IFT81: variants seen among roughly 807,000 people sequenced by gnomAD.
IFT81 encodes the protein intraflagellar transport 81.
Under a neutral mutation model 102.6 loss-of-function variants are expected in IFT81, and 72 were observed. That is an observed-to-expected ratio of 0.70 (90% CI 0.58 to 0.85). The LOEUF (loss-of-function observed/expected upper bound fraction) is 0.85. Among genes scored for constraint, IFT81 ranks in the 40% least tolerant of loss-of-function variants. The probability of loss-of-function intolerance (pLI) is 0.00; values close to 1 mark genes in which losing one functional copy is unlikely to be tolerated. For missense variants in IFT81, 723 were observed against 787.3 expected (o/e 0.92, Z 0.98); for synonymous variants, 237 against 242.7 (o/e 0.98, Z 0.22).
At chr12:110,185,361 A>AT (rs77060966) in intron 12 of IFT81, among the ~76,000 whole-genome samples, 60 of 146,590 alleles carry the variant, frequency 4.1e-4, no homozygotes, top group Middle Eastern at 3.5e-3. Flanking sequence ...ATTTTTTTGT[A>AT]TTTTTTTTTT....
At chr12:110,180,929 A>T (rs1897297232) in intron 12 of IFT81, among the ~76,000 whole-genome samples, 1 of 152,220 alleles carries the variant, frequency 6.6e-6, no homozygotes, top group African/African-American at 2.4e-5. Context: ...ACTTCCAAGA[A>T]GCTTTGGAAA....
chr12:110,213,644 GT>G (rs1869740742), intron 18 of IFT81, among the ~76,000 whole-genome samples: 1 of 152,096 alleles, frequency 6.6e-6, no homozygotes, highest in African/African-American at 2.4e-5. Flanking sequence ...CTTATCTTCT[GT>G]TTACTTACCC....
chr12:110,190,993 T>C lies in IFT81; in HGVS notation c.1412T>C (p.Leu471Pro). ...TQEELERVSA[L>P]KSEVDEMKGR... is the part of the protein sequence containing the mutation. ...GAAGAGCTAGAAAGAGTATCTGCAC[T>C]GAAGAGTGAAGTTGATGAAATGAAA... Residue 471 changes from leucine (L) to proline (P), a missense_variant, in exon 13 of 19, where the codon CTG (leucine) becomes CCG (proline). Physicochemically the swap from Leu to Pro is moderately conservative, Grantham distance 98. Transcript: ENST00000242591. 1 of 1,610,366 alleles carries C rather than the reference T, an allele frequency of 6.2e-7. No homozygotes were observed. Among genetic ancestry groups the C allele is most frequent in the Non-Finnish European group, 8.5e-7 (1 of 1,178,370 alleles).
At chr12:110,141,144 G>C (rs1052945064) in intron 8 of IFT81, among the ~76,000 whole-genome samples, 1 of 151,830 alleles carries the variant, frequency 6.6e-6, no homozygotes, top group Non-Finnish European at 1.5e-5. Context: ...CCTACCTCAA[G>C]CATCTCTACA....
chr12:110,151,023 A>G (rs977374014), intron 10 of IFT81, among the ~76,000 whole-genome samples: 15 of 152,280 alleles, frequency 9.9e-5, no homozygotes, highest in Admixed American at 9.2e-4. Flanking sequence ...CTTGATTGAG[A>G]TATAATTCAC....
chr12:110,192,262 T>C (rs1212978126), intron 13 of IFT81, among the ~76,000 whole-genome samples: 2 of 152,188 alleles, frequency 1.3e-5, no homozygotes, highest in Non-Finnish European at 2.9e-5. Flanking sequence ...CTGTAGTATT[T>C]TGAATATCAC....
intron 10 of IFT81, among the ~76,000 whole-genome samples, chr12:110,153,001 A>G (rs1383505253): frequency 6.6e-6 from 1 of 152,148 alleles, no homozygotes; most frequent in African/African-American, 2.4e-5. Flanking sequence ...CAAAAGTTTT[A>G]AATTCTCATG....
At chr12:110,215,604 G>GTA (rs1870004290) in intron 18 of IFT81, among the ~76,000 whole-genome samples, 3 of 150,256 alleles carry the variant, frequency 2.0e-5, no homozygotes, top group African/African-American at 4.9e-5. Context: ...TGGGACCACA[G>GTA]GCATGTGCCA....
chr12:110,199,913 A>G (rs1898187259), intron 14 of IFT81, among the ~76,000 whole-genome samples: 1 of 152,198 alleles, frequency 6.6e-6, no homozygotes, highest in South Asian at 2.1e-4. Flanking sequence ...GTTGAAAACA[A>G]CTTAAGGTTT....
rs537129379 is a variant in IFT81, at chr12:110,207,809, G to A, written c.1803-1362G>A. Among the ~76,000 whole-genome samples, 20 of 151,920 alleles carry A rather than the reference G, an allele frequency of 1.3e-4. No homozygotes were observed. The South Asian group carries it at 2.1e-3, about 16-fold the overall frequency. ...CGATCTCCTGACCTCGTGAGCCACC[G>A]CGCCCAGCCCCAGCCTTCAGTCTTT... On this transcript the variant is annotated intron_variant, in intron 17 of 18. Coordinates refer to ENST00000242591, the MANE Select transcript of IFT81 (RefSeq NM_014055.4).
intron 14 of IFT81, among the ~76,000 whole-genome samples, chr12:110,197,060 A>T (rs1034385270): frequency 6.6e-6 from 1 of 152,024 alleles, no homozygotes; most frequent in Non-Finnish European, 1.5e-5. Context: ...TTAGCTGAGC[A>T]TGGGAGCACA....
At chr12:110,166,413 C>T (rs186382771) in intron 11 of IFT81, among the ~76,000 whole-genome samples, 55 of 152,224 alleles carry the variant, frequency 3.6e-4, no homozygotes, top group African/African-American at 1.3e-3. Context: ...GCAGTTACTG[C>T]ATGCTCAGTC....
intron 12 of IFT81, among the ~76,000 whole-genome samples, chr12:110,181,574 G>A (rs955717532): frequency 1.3e-5 from 2 of 152,174 alleles, no homozygotes; most frequent in African/African-American, 4.8e-5. Context: ...TGAAGAGAAT[G>A]TATATTCTGC....
At chr12:110,190,811 C>G in intron 12 of IFT81, 109 bp from the exon 13 acceptor site, 1 of 965,308 alleles carries the variant, frequency 1.0e-6, no homozygotes, top group Non-Finnish European at 1.4e-6. Context: ...GGATTCTAAA[C>G]TAATTAATTC....
intron 6 of IFT81, 86 bp downstream of exon 6, chr12:110,135,099 A>C: frequency 9.6e-7 from 1 of 1,044,282 alleles, no homozygotes; most frequent in Non-Finnish European, 1.5e-6. Flanking sequence ...GATTCAGCCA[A>C]GCATGAGTGT....
At chr12:110,195,837 C>T (rs934735785) in intron 14 of IFT81, among the ~76,000 whole-genome samples, 1 of 152,146 alleles carries the variant, frequency 6.6e-6, no homozygotes, top group African/African-American at 2.4e-5. Context: ...TTTCAACAGC[C>T]GTTTGACTAT....
At chr12:110,171,792 A>C (rs1896746084) in intron 11 of IFT81, 1 of 152,212 alleles carries the variant, frequency 6.6e-6, no homozygotes, top group Non-Finnish European at 1.5e-5. Context: ...TGGCCTTTTC[A>C]GGTTTTCTTC....
chr12:110,206,179 G>A (rs977233011), intron 17 of IFT81, among the ~76,000 whole-genome samples: 1 of 152,206 alleles, frequency 6.6e-6, no homozygotes, highest in Non-Finnish European at 1.5e-5. Flanking sequence ...TGTGCAGTGT[G>A]ATGACTGCAT....
intron 11 of IFT81, chr12:110,168,499 G>A (rs1442723272): frequency 7.4e-6 from 7 of 950,944 alleles, no homozygotes; most frequent in Non-Finnish European, 7.5e-6. Flanking sequence ...TTTAAAAAAT[G>A]CATAAACGAT....
Sources: allele counts gnomAD v4.1 joint callset (sites outside exome capture counted in the v4.1 genomes callset), GRCh38; gene constraint gnomAD v4.1.1; transcripts MANE v1.5; gene names NCBI Gene and HGNC (gene_info 2026-07-23, HGNC 2026-07-21).